ACSF2: variants seen among roughly 807,000 people sequenced by gnomAD.
ACSF2 encodes acyl-CoA synthetase family member 2, also known as medium-chain acyl-CoA ligase ACSF2, mitochondrial.
Under a neutral mutation model 79.3 loss-of-function variants are expected in ACSF2, and 52 were observed. That is an observed-to-expected ratio of 0.66 (90% CI 0.53 to 0.83). The LOEUF is 0.83. Among genes scored for constraint, ACSF2 ranks in the 40% least tolerant of loss-of-function variants. The probability of loss-of-function intolerance (pLI) is 0.00; values close to 1 mark genes in which losing one functional copy is unlikely to be tolerated. For synonymous variants in ACSF2, 283 were observed against 312.6 expected, an observed-to-expected ratio of 0.91 and a Z score of 1.00; for missense variants, 661 against 803.3, an observed-to-expected ratio of 0.82 and a Z score of 2.14.
chr17:50,441,960 C>T (rs2030950674), intron 1 of ACSF2, among the ~76,000 whole-genome samples: 1 of 152,114 alleles, frequency 6.6e-6, no homozygotes, highest in South Asian at 2.1e-4. Context: ...CCACCTTAGC[C>T]TCCCAAGTAG....
chr17:50,432,477 G>A (rs940815307), intron 1 of ACSF2, among the ~76,000 whole-genome samples: 7 of 152,204 alleles, frequency 4.6e-5, no homozygotes, highest in African/African-American at 1.7e-4. Flanking sequence ...GCAAAGGTGG[G>A]GCTGCTGGAG....
chr17:50,469,226 C>T (rs189020590), intron 10 of ACSF2, among the ~76,000 whole-genome samples: 3 of 152,256 alleles, frequency 2.0e-5, no homozygotes, highest in South Asian at 4.1e-4. Flanking sequence ...GGCGTTCCCT[C>T]AACTTATTTG....
Position 50,472,482 on chromosome 17 carries a change from G to C in ACSF2, c.1378G>C (p.Glu460Gln). Residue 460 changes from glutamate to glutamine, a missense_variant, in exon 12 of 16, where the codon GAG (glutamate) becomes CAG (glutamine). Transcript: ENST00000300441. ...GCTGGCAAAGCTGAACACGCCCGGG[G>C]AGCTGTGCATCCGAGGGTACTGCGT... ...GTLAKLNTPG[E>Q]LCIRGYCVML... The C allele has an allele frequency of 6.2e-7, 1 of 1,613,162 alleles. No individual in the cohort carries two copies. The highest frequency in any genetic ancestry group is 8.5e-7 in the Non-Finnish European group (1 of 1,179,538).
chr17:50,434,824 G>A (rs1261973657), intron 1 of ACSF2, among the ~76,000 whole-genome samples: 2 of 152,048 alleles, frequency 1.3e-5, no homozygotes, highest in Non-Finnish European at 2.9e-5. Context: ...AAGATCATGG[G>A]GCTTTATGAT....
chr17:50,469,193 C>T lies in ACSF2; in HGVS notation c.1216-1835C>T, dbSNP rs139996035. The T allele has an allele frequency of 1.4e-3, 347 of 253,534 alleles. 5 individuals are homozygous for T. Among genetic ancestry groups the T allele is most frequent in the African/African-American group, 7.3e-3 (317 of 43,494 alleles). 15.7% of individuals were successfully genotyped at this position (253,534 alleles called of 1,614,324 possible). A position where few individuals can be genotyped will look rare whatever the true frequency, so the allele number is the denominator to read the frequency against. On this transcript the variant is annotated intron_variant, in intron 10 of 15. Coordinates refer to ENST00000300441, the MANE Select transcript of ACSF2 (RefSeq NM_025149.6). Reference sequence around the variant, plus strand: ...GGGGGAATAGTTATGTCTGGAGCCCCGAGTTTACATCGGAGAGAGGGAGGC... The same window carrying T: ...GGGGGAATAGTTATGTCTGGAGCCCTGAGTTTACATCGGAGAGAGGGAGGC...
chr17:50,466,318 T>C (rs1367074378), intron 10 of ACSF2, among the ~76,000 whole-genome samples: 1 of 152,138 alleles, frequency 6.6e-6, no homozygotes, highest in Non-Finnish European at 1.5e-5. Context: ...CTCGATCTCC[T>C]GACCTCGTGA....
At chr17:50,436,617 A>G (rs1230150921) in intron 1 of ACSF2, among the ~76,000 whole-genome samples, 1 of 150,828 alleles carries the variant, frequency 6.6e-6, no homozygotes, top group Non-Finnish European at 1.5e-5. Flanking sequence ...TATTTTTAGT[A>G]GAGACAGGGT....
At chr17:50,459,805 G>A (rs1282284480) in intron 1 of ACSF2, among the ~76,000 whole-genome samples, 2 of 152,176 alleles carry the variant, frequency 1.3e-5, no homozygotes, top group Non-Finnish European at 2.9e-5. Flanking sequence ...GAGAGGTGAA[G>A]AGTCCCGGCC....
In ACSF2 at chr17:50,461,299, G is replaced by T; in HGVS notation, c.382G>T (p.Gly128Cys). 6.2e-7 allele frequency: 1 copy of T among 1,614,204 alleles called. No homozygotes were observed. Among genetic ancestry groups the T allele is most frequent in the Non-Finnish European group, 8.5e-7 (1 of 1,180,026 alleles). Residue 128 changes from glycine (G) to cysteine (C), a missense_variant, in exon 3 of 16, where the codon GGC becomes TGC. Transcript: ENST00000300441. ...SIGLCKGDRL[G>C]MWGPNSYAWV... Reference sequence around the variant, plus strand: ...TGGCCTCTGCAAAGGTGACCGGCTGGGCATGTGGGGACCTAACTCCTATGC... The same window carrying T: ...TGGCCTCTGCAAAGGTGACCGGCTGTGCATGTGGGGACCTAACTCCTATGC...
chr17:50,470,810 C>T (rs548839983), intron 10 of ACSF2: 139 of 477,308 alleles, frequency 2.9e-4, no homozygotes, highest in African/African-American at 2.5e-3. Flanking sequence ...TCTCAATTTT[C>T]TTTCAGATCT....
At chr17:50,438,921 A>G (rs879635505) in intron 1 of ACSF2, among the ~76,000 whole-genome samples, 2 of 152,196 alleles carry the variant, frequency 1.3e-5, no homozygotes, top group Non-Finnish European at 2.9e-5. Context: ...AACCATGGAT[A>G]CAGAGGGCTG....
rs968321399 is a variant in ACSF2, at chr17:50,443,058, C to T, written c.128+16669C>T. Among the ~76,000 whole-genome samples the T allele has an allele frequency of 5.3e-5, 8 of 151,946 alleles. No homozygotes were observed. The East Asian group carries it at 1.2e-3, about 22-fold the overall frequency. ...CCGAATAGCTGGGACTATGGGTGCA[C>T]GCCACCATGCCCGGCTAATTTTTGT... On this transcript the variant is annotated intron_variant, in intron 1 of 15. Coordinates refer to ENST00000300441, the MANE Select transcript of ACSF2 (RefSeq NM_025149.6).
At chr17:50,444,020 C>T (rs2031125520) in intron 1 of ACSF2, among the ~76,000 whole-genome samples, 1 of 152,170 alleles carries the variant, frequency 6.6e-6, no homozygotes, top group South Asian at 2.1e-4. Flanking sequence ...TATTCTTTGA[C>T]AAAAGTGCCT....
chr17:50,471,124 C>T lies in ACSF2; in HGVS notation c.1312C>T (p.Pro438Ser). ...QKAESVGRIM[P>S]HTEARIMNME... is the part of the protein sequence containing the mutation. Reference sequence around the variant, plus strand: ...GGCAGAAAGCGTGGGCAGAATTATGCCTCACACGGAGGTGAGCCCCTGACC... The same window carrying T: ...GGCAGAAAGCGTGGGCAGAATTATGTCTCACACGGAGGTGAGCCCCTGACC... The change falls in exon 11 of 16, where the codon CCT becomes TCT. Residue 438 changes from proline (P) to serine (S), a missense_variant. Coordinates refer to ENST00000300441, the MANE Select transcript of ACSF2 (RefSeq NM_025149.6). This position sits in a 1 kb window ranked among gnomAD's most constrained non-coding sequence, Gnocchi z 4.1. 2 of 1,613,866 alleles carry T rather than the reference C, an allele frequency of 1.2e-6. No individual in the cohort carries two copies. Among genetic ancestry groups the T allele is most frequent in the Non-Finnish European group, 1.7e-6 (2 of 1,179,838 alleles).
chr17:50,472,685 A>G (rs1211353373), intron 12 of ACSF2, 106 bp downstream of exon 12: 10 of 1,341,180 alleles, frequency 7.5e-6, no homozygotes, highest in African/African-American at 1.5e-5. Context: ...GTGGGTATCA[A>G]GATGACCCCT....
intron 4 of ACSF2, among the ~76,000 whole-genome samples, 175 bp downstream of exon 4, chr17:50,461,861 G>A (rs542482450): frequency 1.2e-4 from 18 of 152,238 alleles, no homozygotes; most frequent in Admixed American, 3.3e-4. Context: ...CAAGGAGAGC[G>A]TGGTTGGTCA....
Position 50,463,688 on chromosome 17 carries a change from G to T in ACSF2, c.1047-130G>T, listed in dbSNP as rs1352370903. ...GATGGGGACAGTGGAGGACCCCCAG[G>T]AGAGGACCAGTTCCTGCCTCAGGAG... On this transcript the variant is annotated intron_variant, in intron 8 of 15. Coordinates refer to ENST00000300441, the MANE Select transcript of ACSF2 (RefSeq NM_025149.6). This position sits in a 1 kb window ranked among gnomAD's most constrained non-coding sequence, Gnocchi z 4.6. 6.1e-6 allele frequency: 9 copies of T among 1,483,960 alleles called. No homozygotes were observed. The East Asian group carries it at 2.0e-4, about 34-fold the overall frequency. 91.9% of individuals were successfully genotyped at this position (1,483,960 alleles called of 1,614,324 possible).
At chr17:50,447,360 C>T (rs1331202617) in intron 1 of ACSF2, among the ~76,000 whole-genome samples, 3 of 151,842 alleles carry the variant, frequency 2.0e-5, no homozygotes, top group Admixed American at 1.3e-4. Context: ...GGCAACATGG[C>T]GAAACCCAGT....
intron 4 of ACSF2, 150 bp from the exon 5 acceptor site, chr17:50,462,034 G>T (rs950558893): frequency 1.5e-5 from 10 of 682,300 alleles, no homozygotes; most frequent in Middle Eastern, 3.5e-4. Context: ...GTGTGCATTT[G>T]TCTTGGAGTG....
Sources: gnomAD v4.1 joint callset for allele counts (sites outside exome capture counted in the v4.1 genomes callset) on GRCh38, gnomAD v4.1.1 for gene constraint, Gnocchi (gnomAD v3.1) non-coding constraint, MANE v1.5 for transcripts, NCBI Gene and HGNC (gene_info 2026-07-23, HGNC 2026-07-21) for gene names.